DHX35: variants seen among roughly 807,000 people sequenced by gnomAD.
DHX35 encodes probable ATP-dependent RNA helicase DHX35.
A neutral mutation model predicts 99.6 loss-of-function variants in DHX35; 84 were observed. The ratio of observed to expected loss-of-function variants is 0.84; its 90% CI spans 0.71 to 1.01. DHX35 has a LOEUF of 1.01. Ranked by LOEUF, DHX35 falls within the 50% of genes least tolerant of loss-of-function variation. The pLI is 0.00. For synonymous variants in DHX35, 331 were observed against 316.2 expected, an observed-to-expected ratio of 1.05 and a Z score of -0.50; for missense variants, 852 against 888.5, an observed-to-expected ratio of 0.96 and a Z score of 0.52.
intron 8 of DHX35, among the ~76,000 whole-genome samples, chr20:38,996,647 C>T (rs185553451): frequency 1.4e-4 from 22 of 152,288 alleles, no homozygotes; most frequent in African/African-American, 4.8e-4. Context: ...CTCCTGGCTC[C>T]TAGTCTCCCT....
intron 15 of DHX35, among the ~76,000 whole-genome samples, chr20:39,021,447 G>T (rs1388445356): frequency 1.3e-5 from 2 of 152,194 alleles, no homozygotes; most frequent in Non-Finnish European, 2.9e-5. Flanking sequence ...TTACATATGG[G>T]ACTTCACATT....
At chr20:39,021,557 G>A (rs947318313) in intron 15 of DHX35, among the ~76,000 whole-genome samples, 3 of 152,130 alleles carry the variant, frequency 2.0e-5, no homozygotes, top group African/African-American at 2.4e-5. Context: ...ATGCAGTGGC[G>A]TGAACTTGGC....
chr20:38,972,775 C>T, intron 3 of DHX35, 124 bp downstream of exon 3: 2 of 641,456 alleles, frequency 3.1e-6, no homozygotes, highest in East Asian at 2.9e-5. Context: ...TTCACTTCAA[C>T]TAGATATTTT....
chr20:39,013,294 A>C (rs2086732252), intron 13 of DHX35, among the ~76,000 whole-genome samples: 2 of 152,234 alleles, frequency 1.3e-5, no homozygotes, highest in African/African-American at 4.8e-5. Flanking sequence ...CAGCAATAAG[A>C]AAATTGACTT....
chr20:38,986,032 T>C (rs1162039699), intron 4 of DHX35, among the ~76,000 whole-genome samples: 1 of 152,198 alleles, frequency 6.6e-6, no homozygotes, highest in Non-Finnish European at 1.5e-5. Flanking sequence ...CCCTGACCTG[T>C]GATTCAGAAT....
At chr20:38,965,896 A>G (rs2085903085) in intron 1 of DHX35, among the ~76,000 whole-genome samples, 1 of 152,194 alleles carries the variant, frequency 6.6e-6, no homozygotes, top group African/African-American at 2.4e-5. Context: ...ATTGTTGACC[A>G]TGTGCATGAC....
intron 14 of DHX35, among the ~76,000 whole-genome samples, chr20:39,018,458 G>A (rs371110062): frequency 6.6e-6 from 1 of 152,128 alleles, no homozygotes; most frequent in South Asian, 2.1e-4. Context: ...CTTGGGAAGA[G>A]TGGTCTCTTC....
chr20:39,002,160 G>A (rs2086531338), intron 9 of DHX35, among the ~76,000 whole-genome samples: 2 of 152,308 alleles, frequency 1.3e-5, no homozygotes, highest in South Asian at 4.1e-4. Context: ...GTCAGCAGGG[G>A]CAGTATTGGT....
intron 3 of DHX35, among the ~76,000 whole-genome samples, chr20:38,977,259 G>T (rs945629551): frequency 1.3e-5 from 2 of 152,084 alleles, no homozygotes; most frequent in African/African-American, 4.8e-5. Context: ...AACATTTGCT[G>T]TCGTTCATCT....
At chr20:38,991,433 C>T in intron 5 of DHX35, 21 bp from the exon 6 acceptor site, 2 of 1,606,794 alleles carry the variant, frequency 1.2e-6, no homozygotes, top group Non-Finnish European at 1.7e-6. Context: ...ATTTCTAAAG[C>T]TTTGTGTTTT....
intron 4 of DHX35, among the ~76,000 whole-genome samples, chr20:38,984,068 C>T (rs2086214855): frequency 1.3e-5 from 2 of 152,020 alleles, no homozygotes; most frequent in Non-Finnish European, 2.9e-5. Context: ...TGCCACTACG[C>T]CTGGCTAATT....
Position 39,030,776 on chromosome 20 carries a change from G to A in DHX35, c.1955+1G>A. ...TCTATGCAGAGAAGCCGCCTCGCTGGTAAGCTCATCCTGCTGCTTAGCCTG... is the reference window on the plus strand; with the variant it reads ...TCTATGCAGAGAAGCCGCCTCGCTGATAAGCTCATCCTGCTGCTTAGCCTG... On this transcript the variant is annotated splice_donor_variant, in intron 20 of 21. Coordinates refer to ENST00000252011, the MANE Select transcript of DHX35 (RefSeq NM_021931.4). LOFTEE classifies it high-confidence loss of function. 1 of 1,614,012 alleles carries A rather than the reference G, an allele frequency of 6.2e-7. No homozygotes were observed. Among genetic ancestry groups the A allele is most frequent in the Non-Finnish European group, 8.5e-7 (1 of 1,179,920 alleles).
At chr20:38,998,895 C>G (rs971397687) in intron 8 of DHX35, among the ~76,000 whole-genome samples, 2 of 152,136 alleles carry the variant, frequency 1.3e-5, no homozygotes, top group Admixed American at 1.3e-4. Context: ...CTCGCAGGTT[C>G]AAACGATTCT....
intron 18 of DHX35, among the ~76,000 whole-genome samples, chr20:39,026,983 C>T (rs6015996): frequency 4.9e-4 from 75 of 152,214 alleles, no homozygotes; most frequent in Middle Eastern, 3.4e-3. Flanking sequence ...TCTACCCAGC[C>T]TGAGAAATTA....
chr20:39,022,587 T>G (rs1189645293), intron 16 of DHX35, among the ~76,000 whole-genome samples: 1 of 152,204 alleles, frequency 6.6e-6, no homozygotes, highest in East Asian at 1.9e-4. Flanking sequence ...CAACTTCTAG[T>G]TTCTGTCAGG....
At chr20:38,981,189 T>A (rs1210332900) in intron 3 of DHX35, among the ~76,000 whole-genome samples, 1 of 152,234 alleles carries the variant, frequency 6.6e-6, no homozygotes, top group African/African-American at 2.4e-5. Flanking sequence ...AGTTGATATG[T>A]ATCTTGGGGG....
chr20:39,001,866 A>G (rs746742396), intron 9 of DHX35, 24 bp downstream of exon 9: 10 of 1,554,842 alleles, frequency 6.4e-6, no homozygotes, highest in Non-Finnish European at 8.8e-6. Flanking sequence ...TGAATTCTGG[A>G]TGATGGTGTT....
intron 20 of DHX35, 131 bp from the exon 21 acceptor site, chr20:39,034,075 A>C: frequency 6.0e-6 from 4 of 666,662 alleles, no homozygotes; most frequent in South Asian, 3.6e-5. Context: ...ACATAAATGC[A>C]TGTGTTTAGC....
At chr20:38,994,727 G>A in intron 7 of DHX35, 94 bp from the exon 8 acceptor site, 11 of 920,966 alleles carry the variant, frequency 1.2e-5, no homozygotes, top group South Asian at 3.7e-5. Context: ...GAAAAAAAAA[G>A]ACACTGAATT....
Sources: gnomAD v4.1 joint callset for allele counts (sites outside exome capture counted in the v4.1 genomes callset) on GRCh38, gnomAD v4.1.1 for gene constraint, MANE v1.5 for transcripts, NCBI Gene and HGNC (gene_info 2026-07-23, HGNC 2026-07-21) for gene names.